The following SYNPO2 variants were observed in gnomAD, a reference collection of about 807,000 sequenced individuals.
SYNPO2 encodes synaptopodin-2.
Under a neutral mutation model 85.0 loss-of-function variants are expected in SYNPO2, and 56 were observed. That is an observed-to-expected ratio of 0.66 (90% confidence interval 0.53 to 0.82). The LOEUF (loss-of-function observed/expected upper bound fraction) is 0.82, where lower values mean the gene tolerates loss of function less well. SYNPO2 is among the 40% of genes least tolerant of loss of function. SYNPO2 has a pLI of 0.00. For missense variants in SYNPO2, 1,575 were observed against 1,534.2 expected (o/e 1.03, Z -0.44); for synonymous variants, 602 against 591.1 (o/e 1.02, Z -0.27).
intron 1 of SYNPO2, among the ~76,000 whole-genome samples, chr4:118,951,123 T>C (rs2149142533): frequency 6.6e-6 from 1 of 152,308 alleles, no homozygotes; most frequent in African/African-American, 2.4e-5. Context: ...ATACAGACAG[T>C]GTGTAACTGA....
chr4:119,026,686 A>G lies in SYNPO2; in HGVS notation c.317A>G (p.His106Arg). ...ISENENKNLE[H>R]LTHGGYVEST... ...GAAAATGAAAACAAAAACCTCGAGC[A>G]TCTCACACATGGGGGTTATGTGGAA... The change falls in exon 3 of 5, where the codon CAT (histidine) becomes CGT (arginine). Residue 106 changes from histidine (H) to arginine (R), a missense_variant. This residue lies in a region of SYNPO2 where 1,508 missense variants were observed against 1,446.8 expected (regional missense o/e 1.04). Coordinates refer to ENST00000307142, the MANE Select transcript of SYNPO2 (RefSeq NM_133477.3). 6.2e-7 allele frequency: 1 copy of G among 1,613,524 alleles called. No homozygotes were observed. Among genetic ancestry groups the G allele is most frequent in the Non-Finnish European group, 8.5e-7 (1 of 1,179,844 alleles).
chr4:118,919,216 G>A (rs536879870), intron 1 of SYNPO2, among the ~76,000 whole-genome samples: 3 of 151,998 alleles, frequency 2.0e-5, no homozygotes, highest in Non-Finnish European at 4.4e-5. Context: ...ATGACAGGAA[G>A]CGCTAGTCGA....
chr4:118,987,642 TGA>T (rs1491509093), intron 1 of SYNPO2, among the ~76,000 whole-genome samples: 9 of 140,164 alleles, frequency 6.4e-5, no homozygotes, highest in Non-Finnish European at 1.1e-4. Flanking sequence ...GCAGCCCACA[TGA>T]AAAAAAAAAA....
chr4:118,879,295 CAG>C (rs1560816388), intron 1 of SYNPO2, among the ~76,000 whole-genome samples: 1 of 152,172 alleles, frequency 6.6e-6, no homozygotes, highest in African/African-American at 2.4e-5. Flanking sequence ...AGTGCCAATT[CAG>C]AGAGGGTTAG....
chr4:118,873,219 G>T (rs747787027), intron 1 of SYNPO2, among the ~76,000 whole-genome samples: 2 of 152,184 alleles, frequency 1.3e-5, no homozygotes, highest in Non-Finnish European at 2.9e-5. Flanking sequence ...ATAGTAGTGA[G>T]ACTGCTGGAT....
intron 1 of SYNPO2, among the ~76,000 whole-genome samples, chr4:118,852,123 C>T (rs1486892302): frequency 6.6e-6 from 1 of 152,170 alleles, no homozygotes; most frequent in Admixed American, 6.5e-5. Flanking sequence ...ATAAAAAAAG[C>T]TCAATATCAC....
intron 1 of SYNPO2, among the ~76,000 whole-genome samples, chr4:118,964,319 C>T (rs949127235): frequency 5.3e-5 from 8 of 150,380 alleles, no homozygotes; most frequent in Non-Finnish European, 1.0e-4. Context: ...CACACACACA[C>T]ACACACACAC....
intron 3 of SYNPO2, among the ~76,000 whole-genome samples, chr4:119,029,516 C>G (rs1354483585): frequency 6.6e-6 from 1 of 151,850 alleles, no homozygotes; most frequent in Non-Finnish European, 1.5e-5. Context: ...CTTCTTAATT[C>G]TAATTTTATC....
intron 4 of SYNPO2, among the ~76,000 whole-genome samples, chr4:119,049,871 A>G (rs1738979849): frequency 6.6e-6 from 1 of 152,198 alleles, no homozygotes; most frequent in Non-Finnish European, 1.5e-5. Flanking sequence ...TCTAAATGCG[A>G]TGCACTGTAT....
At chr4:118,986,332 G>T (rs1010348261) in intron 1 of SYNPO2, among the ~76,000 whole-genome samples, 4 of 152,160 alleles carry the variant, frequency 2.6e-5, no homozygotes, top group African/African-American at 9.7e-5. Flanking sequence ...ATCCAGTTAA[G>T]ACTTGCTTTT....
At chr4:118,860,531 A>G (rs945101477) in intron 1 of SYNPO2, among the ~76,000 whole-genome samples, 1 of 148,362 alleles carries the variant, frequency 6.7e-6, no homozygotes, top group African/African-American at 2.5e-5. Context: ...GGTGTGAGCC[A>G]CACTGCCTGG....
chr4:118,922,641 C>A (rs750877286), intron 1 of SYNPO2, among the ~76,000 whole-genome samples: 2 of 151,522 alleles, frequency 1.3e-5, no homozygotes, highest in Non-Finnish European at 2.9e-5. Flanking sequence ...GGACACATAT[C>A]ATCTTTGTTC....
intron 1 of SYNPO2, among the ~76,000 whole-genome samples, chr4:118,858,463 A>C (rs1198725428): frequency 6.6e-6 from 1 of 152,196 alleles, no homozygotes; most frequent in Non-Finnish European, 1.5e-5. Context: ...TTTTGGTGGC[A>C]GATTTTATGT....
At chr4:118,879,624 T>G (rs7690236) in intron 1 of SYNPO2, among the ~76,000 whole-genome samples, 1 of 151,908 alleles carries the variant, frequency 6.6e-6, no homozygotes, top group Non-Finnish European at 1.5e-5. Context: ...AAACACATTT[T>G]TGTGGTTTAA....
intron 1 of SYNPO2, among the ~76,000 whole-genome samples, chr4:118,979,630 T>G (rs1444408659): frequency 2.4e-4 from 36 of 152,240 alleles, no homozygotes; most frequent in Non-Finnish European, 1.5e-5. Flanking sequence ...CAGTAAATAT[T>G]TGTTCACTGG....
rs145633926 is a variant in SYNPO2, at chr4:118,941,571, C to A, written c.105+52430C>A. On this transcript the variant is annotated intron_variant, in intron 1 of 4. Coordinates refer to ENST00000307142, the MANE Select transcript of SYNPO2 (RefSeq NM_133477.3). ...TTATACATTTTTTATCCTTGGATGA[C>A]ATTTATTTCTCATGTATTCACCTTA... Among the ~76,000 whole-genome samples, 420 of 152,312 alleles carry A rather than the reference C, an allele frequency of 2.8e-3. 4 individuals carry two copies. The highest frequency in any genetic ancestry group is 9.6e-3 in the African/African-American group (400 of 41,574).
intron 1 of SYNPO2, among the ~76,000 whole-genome samples, chr4:118,915,356 TTA>T: frequency 6.6e-6 from 1 of 152,268 alleles, no homozygotes; most frequent in Admixed American, 6.5e-5. Flanking sequence ...ACCTTTCTTT[TTA>T]TATAGTTTTA....
intron 1 of SYNPO2, among the ~76,000 whole-genome samples, chr4:118,862,849 C>T (rs545266481): frequency 6.6e-5 from 10 of 151,624 alleles, no homozygotes; most frequent in Admixed American, 5.3e-4. Flanking sequence ...CTTGCTCTGT[C>T]GCCCAGGCTA....
chr4:119,031,715 A>G lies in SYNPO2; in HGVS notation c.2940A>G (p.Gln980=). The G allele has an allele frequency of 6.2e-7, 1 of 1,614,190 alleles. No homozygotes were observed. Among genetic ancestry groups the G allele is most frequent in the African/African-American group, 1.3e-5 (1 of 75,040 alleles). The change falls in exon 4 of 5, where the codon CAA becomes CAG. Residue 980 remains glutamine, a synonymous_variant. Transcript: ENST00000307142. ...YQLNASLFTF[Q]PPDAKDGLPQ... is the part of the protein sequence containing the mutation. ...TCAATGCATCCTTGTTTACTTTCCA[A>G]CCTCCAGATGCAAAGGATGGCCTCC...
Sources: allele counts gnomAD v4.1 joint callset (sites outside exome capture counted in the v4.1 genomes callset), GRCh38; gene constraint gnomAD v4.1.1; regional missense constraint gnomAD v4.1.1; transcripts MANE v1.5; gene names NCBI Gene and HGNC (gene_info 2026-07-23, HGNC 2026-07-21).